MSANTD4: variants seen among roughly 807,000 people sequenced by gnomAD.
The protein encoded by MSANTD4 is myb/SANT-like DNA-binding domain-containing protein 4.
In MSANTD4, 13 loss-of-function variants were observed where a neutral mutation model predicts 34.3. The observed-to-expected ratio is 0.38, with a 90% CI of 0.25 to 0.60. The LOEUF (loss-of-function observed/expected upper bound fraction) is 0.60. Among genes scored for constraint, MSANTD4 ranks in the 20% least tolerant of loss-of-function variants. The probability of loss-of-function intolerance (pLI) is 0.63; values close to 1 mark genes in which losing one functional copy is unlikely to be tolerated. For synonymous variants in MSANTD4, 137 were observed against 145.2 expected (o/e 0.94, Z 0.41); for missense variants, 358 against 401.8 (o/e 0.89, Z 0.93).
At position 106,022,217 on chromosome 11, in the gene MSANTD4, C is replaced by T. The variant is rs1860065695; in HGVS notation, c.-1406G>A. ...CACCTGCGACCCCGGCGGCACCTCC[C>T]CACGGTCGCCCCAAGGGGGGTAGGA... On this transcript the variant is annotated 5_prime_UTR_variant, in exon 1 of 3. Coordinates refer to ENST00000301919, the MANE Select transcript of MSANTD4 (RefSeq NM_032424.3). 1 of 152,548 alleles carries T rather than the reference C, an allele frequency of 6.6e-6. No homozygotes were observed. Among genetic ancestry groups the T allele is most frequent in the Non-Finnish European group, 1.5e-5 (1 of 68,306 alleles). The allele number at this position is 152,548 out of a possible 1,614,324, so 9.4% of individuals were successfully genotyped here. A position where few individuals can be genotyped will look rare whatever the true frequency, so the allele number is the denominator to read the frequency against.
chr11:106,011,461 T>C (rs1460557391), intron 1 of MSANTD4, among the ~76,000 whole-genome samples: 3 of 152,258 alleles, frequency 2.0e-5, no homozygotes, highest in Non-Finnish European at 4.4e-5. Flanking sequence ...TCTCGGTCTA[T>C]TTTATTCCTC....
At chr11:106,019,789 T>C (rs980705553) in intron 1 of MSANTD4, among the ~76,000 whole-genome samples, 1 of 152,184 alleles carries the variant, frequency 6.6e-6, no homozygotes, top group Non-Finnish European at 1.5e-5. Flanking sequence ...ATAAAAAAAG[T>C]ACATAAACAA....
rs1418064299 is a variant in MSANTD4, at chr11:106,008,443, G to A, written c.*1092C>T. The A allele has an allele frequency of 6.6e-6, 1 of 152,162 alleles. No homozygotes were observed. Among genetic ancestry groups the A allele is most frequent in the African/African-American group, 2.4e-5 (1 of 41,444 alleles). The allele number at this position is 152,162 out of a possible 1,614,324, so 9.4% of individuals were successfully genotyped here. A position where few individuals can be genotyped will look rare whatever the true frequency, so the allele number is the denominator to read the frequency against. The stretch of plus-strand genomic sequence containing the variant: ...TGTTCTACATATTAGGTTAGATAGT[G>A]TAATAAGTGCTTCTCCAATCCATAA... On this transcript the variant is annotated 3_prime_UTR_variant, in exon 3 of 3. Coordinates refer to ENST00000301919, the MANE Select transcript of MSANTD4 (RefSeq NM_032424.3).
intron 1 of MSANTD4, 55 bp from the exon 2 acceptor site, chr11:106,011,122 T>A: frequency 1.2e-6 from 1 of 827,964 alleles, no homozygotes; most frequent in Non-Finnish European, 1.8e-6. Context: ...ACAACATACT[T>A]CAACCTAATG....
chr11:106,020,550 T>C (rs1048283139), intron 1 of MSANTD4, among the ~76,000 whole-genome samples: 1 of 152,214 alleles, frequency 6.6e-6, no homozygotes, highest in Non-Finnish European at 1.5e-5. Context: ...TCTTAGAATC[T>C]GAGATCAATT....
intron 1 of MSANTD4, among the ~76,000 whole-genome samples, chr11:106,020,347 T>C (rs567762473): frequency 6.6e-6 from 1 of 152,228 alleles, no homozygotes; most frequent in African/African-American, 2.4e-5. Context: ...ATAAGACTAT[T>C]ATTTGCTAAA....
At position 106,009,476 on chromosome 11, in the gene MSANTD4, A is replaced by G; in HGVS notation, c.*59T>C. ...CTAATCCAGCAACCATCATTATATC[A>G]CCTGATATGAGAAAAATCTAGAGTT... On this transcript the variant is annotated 3_prime_UTR_variant, in exon 3 of 3. Coordinates refer to ENST00000301919, the MANE Select transcript of MSANTD4 (RefSeq NM_032424.3). 6.8e-7 allele frequency: 1 copy of G among 1,471,528 alleles called. No homozygotes were observed. Among genetic ancestry groups the G allele is most frequent in the Non-Finnish European group, 9.2e-7 (1 of 1,088,756 alleles). 91.2% of individuals were successfully genotyped at this position (1,471,528 alleles called of 1,614,324 possible). A position where few individuals can be genotyped will look rare whatever the true frequency, so the allele number is the denominator to read the frequency against.
intron 2 of MSANTD4, 72 bp from the exon 3 acceptor site, chr11:106,010,182 A>T: frequency 7.1e-7 from 1 of 1,401,918 alleles, no homozygotes; most frequent in East Asian, 2.3e-5. Context: ...ATATTTCTTA[A>T]AAGCTTTCTG....
intron 1 of MSANTD4, among the ~76,000 whole-genome samples, chr11:106,018,488 T>G (rs1037300520): frequency 1.3e-4 from 20 of 152,178 alleles, no homozygotes; most frequent in African/African-American, 4.8e-4. Flanking sequence ...TTAAAAGCTC[T>G]CCAAGTGCTT....
In MSANTD4 at chr11:106,010,744, T is replaced by C; in HGVS notation, c.174A>G (p.Val58=). The C allele has an allele frequency of 6.2e-7, 1 of 1,614,220 alleles. No homozygotes were observed. Among genetic ancestry groups the C allele is most frequent in the Non-Finnish European group, 8.5e-7 (1 of 1,180,032 alleles). ...TCCCTGTCCTCTGTTCTCCTTCTCCTACAGCATTCACACACTGTGCAATCT... is the reference window on the plus strand; with the variant it reads ...TCCCTGTCCTCTGTTCTCCTTCTCCCACAGCATTCACACACTGTGCAATCT... ...WEEIAQCVNA[V]GEGEQRTGTE... is the part of the protein sequence containing the mutation. Residue 58 remains valine, a synonymous_variant, in exon 2 of 3, where the codon GTA becomes GTG. Coordinates refer to ENST00000301919, the MANE Select transcript of MSANTD4 (RefSeq NM_032424.3).
At chr11:106,019,986 C>T (rs554195195) in intron 1 of MSANTD4, among the ~76,000 whole-genome samples, 15 of 152,140 alleles carry the variant, frequency 9.9e-5, no homozygotes, top group African/African-American at 2.2e-4. Context: ...AGAGATAAAC[C>T]GATTAAGAAG....
At position 106,008,574 on chromosome 11, in the gene MSANTD4, TCAAA is replaced by T. The variant is rs1859593365; in HGVS notation, c.*957_*960del. The T allele has an allele frequency of 6.6e-6, 1 of 152,184 alleles. No individual in the cohort carries two copies. Among genetic ancestry groups the T allele is most frequent in the African/African-American group, 2.4e-5 (1 of 41,432 alleles). The allele number at this position is 152,184 out of a possible 1,614,324, so 9.4% of individuals were successfully genotyped here. On this transcript the variant is annotated 3_prime_UTR_variant, in exon 3 of 3. Coordinates refer to ENST00000301919, the MANE Select transcript of MSANTD4 (RefSeq NM_032424.3). ...TGGCTGCTATTACTTATTTTAAAAG[TCAAA>T]CAATCAGTCATTGGGTTCAAGCTCA... is the stretch of plus-strand genomic sequence containing the variant.
rs1859591123 is a variant in MSANTD4 at position 106,008,481 on chromosome 11, A to G, written c.*1054T>C. 1 of 152,140 alleles carries G rather than the reference A, an allele frequency of 6.6e-6. No homozygotes were observed. The highest frequency in any genetic ancestry group is 6.5e-5 in the Admixed American group (1 of 15,272). The allele number at this position is 152,140 out of a possible 1,614,324, so 9.4% of individuals were successfully genotyped here. ...CTCCAATCCATAATACATACCTACT[A>G]TCATTATTTCAACATCATTATTATT... On this transcript the variant is annotated 3_prime_UTR_variant, in exon 3 of 3. Transcript: ENST00000301919.
rs943223505 is a variant in MSANTD4 at position 106,008,331 on chromosome 11, C to A, written c.*1204G>T. The A allele has an allele frequency of 6.6e-6, 1 of 152,308 alleles. No homozygotes were observed. Among genetic ancestry groups the A allele is most frequent in the African/African-American group, 2.4e-5 (1 of 41,440 alleles). 9.4% of individuals were successfully genotyped at this position (152,308 alleles called of 1,614,324 possible). A position where few individuals can be genotyped will look rare whatever the true frequency, so the allele number is the denominator to read the frequency against. Reference sequence around the variant, plus strand: ...AGGGAAGAGGGAAGGACAAAATATACTACAATATAGAAGATCAGCCATTTA... The same window carrying A: ...AGGGAAGAGGGAAGGACAAAATATAATACAATATAGAAGATCAGCCATTTA... On this transcript the variant is annotated 3_prime_UTR_variant, in exon 3 of 3. Coordinates refer to ENST00000301919, the MANE Select transcript of MSANTD4 (RefSeq NM_032424.3).
chr11:106,015,260 T>A (rs1859813874), intron 1 of MSANTD4, among the ~76,000 whole-genome samples: 2 of 152,188 alleles, frequency 1.3e-5, no homozygotes, highest in South Asian at 4.1e-4. Context: ...CTCTGGCAAT[T>A]CCTAGCTGTG....
chr11:106,011,662 A>G (rs1859696765), intron 1 of MSANTD4, among the ~76,000 whole-genome samples: 1 of 152,150 alleles, frequency 6.6e-6, no homozygotes, highest in Non-Finnish European at 1.5e-5. Context: ...AAGTTTCACA[A>G]GGGCAGGGAT....
At chr11:106,017,912 A>G (rs1859901301) in intron 1 of MSANTD4, among the ~76,000 whole-genome samples, 1 of 152,190 alleles carries the variant, frequency 6.6e-6, no homozygotes, top group South Asian at 2.1e-4. Context: ...CTCTCAAACT[A>G]TAGCATGTAT....
intron 1 of MSANTD4, among the ~76,000 whole-genome samples, chr11:106,020,730 C>T (rs1860008868): frequency 6.6e-6 from 1 of 152,170 alleles, no homozygotes; most frequent in African/African-American, 2.4e-5. Flanking sequence ...AAAGTGGTAT[C>T]CCGTTGTCCT....
chr11:106,009,695 A>G lies in MSANTD4; in HGVS notation c.878T>C (p.Ile293Thr). The G allele has an allele frequency of 6.2e-7, 1 of 1,614,182 alleles. No individual in the cohort carries two copies. The highest frequency in any genetic ancestry group is 1.1e-5 in the South Asian group (1 of 91,082). Residue 293 changes from isoleucine (I) to threonine (T), a missense_variant, in exon 3 of 3, where the codon ATA becomes ACA. Coordinates refer to ENST00000301919, the MANE Select transcript of MSANTD4 (RefSeq NM_032424.3). Reference sequence around the variant, plus strand: ...CTCAAGTTTTAACTTCTCTGTTTCTATGTCCTGTGGTTGAAGCATGGATTT... The same window carrying G: ...CTCAAGTTTTAACTTCTCTGTTTCTGTGTCCTGTGGTTGAAGCATGGATTT... ...GEKSMLQPQDIETEKLKLERE... is the reference protein window; with the variant it reads ...GEKSMLQPQDTETEKLKLERE...
Sources: allele counts gnomAD v4.1 joint callset (sites outside exome capture counted in the v4.1 genomes callset), GRCh38; gene constraint gnomAD v4.1.1; transcripts MANE v1.5; gene names NCBI Gene and HGNC (gene_info 2026-07-23, HGNC 2026-07-21).